GSG1L: variants seen among roughly 807,000 people sequenced by gnomAD.
GSG1L encodes the protein germ cell-specific gene 1-like protein.
A neutral mutation model predicts 42.1 loss-of-function variants in GSG1L; 24 were observed. The observed-to-expected ratio is 0.57, with a 90% CI of 0.41 to 0.80. GSG1L has a LOEUF of 0.80. GSG1L is among the 30% of genes least tolerant of loss of function. The pLI, the probability that GSG1L is intolerant of heterozygous loss-of-function variation, is 0.00. For synonymous variants in GSG1L, 215 were observed against 203.5 expected, an observed-to-expected ratio of 1.06 and a Z score of -0.48; for missense variants, 445 against 472.2, an observed-to-expected ratio of 0.94 and a Z score of 0.53.
intron 6 of GSG1L, among the ~76,000 whole-genome samples, chr16:27,798,171 C>G (rs1265720460): frequency 1.3e-5 from 2 of 152,104 alleles, no homozygotes; most frequent in Admixed American, 1.3e-4. Context: ...ACCCCCTGAA[C>G]CTATAACAAT....
intron 2 of GSG1L, among the ~76,000 whole-genome samples, chr16:27,919,356 C>G (rs1011986120): frequency 6.6e-5 from 10 of 152,202 alleles, no homozygotes; most frequent in African/African-American, 2.4e-4. Flanking sequence ...CTACCTTCCT[C>G]TCTGACTCCA....
In GSG1L at chr16:27,812,833, G is replaced by A. The variant is rs991315578; in HGVS notation, c.831-5279C>T. Among the ~76,000 whole-genome samples, 14 of 152,146 alleles carry A rather than the reference G, an allele frequency of 9.2e-5. 1 individual carries two copies. The highest frequency in any genetic ancestry group is 2.9e-4 in the African/African-American group (12 of 41,510). ...AGACAGAGTCTTACTCTCTCACCCA[G>A]GCTGGAGTGAAGTGGTGCGATCTCA... On this transcript the variant is annotated intron_variant, in intron 5 of 6. Transcript: ENST00000447459.
At chr16:27,891,730 C>A (rs547156635) in intron 2 of GSG1L, among the ~76,000 whole-genome samples, 1 of 151,998 alleles carries the variant, frequency 6.6e-6, no homozygotes, top group Admixed American at 6.6e-5. Flanking sequence ...GCCTCAGCCT[C>A]CCAAAGCACT....
intron 2 of GSG1L, among the ~76,000 whole-genome samples, chr16:27,905,325 T>C (rs1435529266): frequency 6.6e-6 from 1 of 151,214 alleles, no homozygotes; most frequent in Non-Finnish European, 1.5e-5. Context: ...GAATCTTTTT[T>C]TTTTTTTTTT....
chr16:28,055,667 G>A lies in GSG1L; in HGVS notation c.349+7409C>T, dbSNP rs148966269. ...ATATTTTTAGTAGAGATGGGATTTC[G>A]CCATGTTGGCCAGGCTGGTCTTGAA... On this transcript the variant is annotated intron_variant, in intron 1 of 6. Coordinates refer to ENST00000447459, the MANE Select transcript of GSG1L (RefSeq NM_001109763.2). Among the ~76,000 whole-genome samples, 130 of 151,406 alleles carry A rather than the reference G, an allele frequency of 8.6e-4. No individual in the cohort carries two copies. In the East Asian group the frequency reaches 0.013, roughly 16 times the overall value.
chr16:27,963,347 G>A, intron 1 of GSG1L, 144 bp from the exon 2 acceptor site: 1 of 722,362 alleles, frequency 1.4e-6, no homozygotes, highest in Non-Finnish European at 2.5e-6. Flanking sequence ...CTGGTTCCTA[G>A]AAGCCCAACA....
chr16:28,047,298 G>A (rs555121571), intron 1 of GSG1L, among the ~76,000 whole-genome samples: 1 of 152,112 alleles, frequency 6.6e-6, no homozygotes, highest in Non-Finnish European at 1.5e-5. Flanking sequence ...TAACAAAAAT[G>A]GAAGTCCAAG....
intron 2 of GSG1L, among the ~76,000 whole-genome samples, chr16:27,929,337 A>G (rs1218700190): frequency 6.6e-6 from 1 of 152,178 alleles, no homozygotes; most frequent in African/African-American, 2.4e-5. Flanking sequence ...GGATGGTCAC[A>G]CAACCCAGGC....
chr16:27,882,386 C>T (rs914636723), intron 3 of GSG1L, among the ~76,000 whole-genome samples: 13 of 152,028 alleles, frequency 8.6e-5, no homozygotes, highest in African/African-American at 2.9e-4. Flanking sequence ...AATGCAAACC[C>T]GACCGTGTTG....
At chr16:27,806,902 T>C (rs2082970183) in intron 6 of GSG1L, among the ~76,000 whole-genome samples, 1 of 152,160 alleles carries the variant, frequency 6.6e-6, no homozygotes, top group African/African-American at 2.4e-5. Context: ...AAGCCCTTAG[T>C]ACAGAGTGGG....
At chr16:27,931,167 G>C (rs1022419445) in intron 2 of GSG1L, among the ~76,000 whole-genome samples, 1 of 152,090 alleles carries the variant, frequency 6.6e-6, no homozygotes. Context: ...TTCTTCACTC[G>C]GGCTCTTCGT....
At position 28,058,844 on chromosome 16, in the gene GSG1L, C is replaced by G. The variant is rs2086308757; in HGVS notation, c.349+4232G>C. On this transcript the variant is annotated intron_variant, in intron 1 of 6. Transcript: ENST00000447459. ...GGGACTGGGCAGAAGAGCTGGGGTT[C>G]TCTGTTCAAAATAAAGGAAGACAAG... Among the ~76,000 whole-genome samples the G allele has an allele frequency of 2.0e-5, 3 of 152,288 alleles. No individual in the cohort carries two copies. The South Asian group carries it at 6.2e-4, about 32-fold the overall frequency.
intron 1 of GSG1L, among the ~76,000 whole-genome samples, chr16:27,978,315 G>A (rs1430203185): frequency 6.6e-6 from 1 of 152,316 alleles, no homozygotes; most frequent in East Asian, 1.9e-4. Flanking sequence ...GCCATGGGGT[G>A]CACCAGGGTC....
rs556972568 is a variant in GSG1L at position 27,890,967 on chromosome 16, G to A, written c.398-6329C>T. Among the ~76,000 whole-genome samples the A allele has an allele frequency of 2.6e-5, 4 of 152,156 alleles. No homozygotes were observed. In the South Asian group the frequency reaches 8.3e-4, roughly 32 times the overall value. On this transcript the variant is annotated intron_variant, in intron 2 of 6. Transcript: ENST00000447459. The stretch of plus-strand genomic sequence containing the variant: ...GGTGCGGTGCTCCCAGCCTGCCCAC[G>A]GCCCTTGGGGGCACATTTCCACCTG...
intron 4 of GSG1L, among the ~76,000 whole-genome samples, chr16:27,833,394 T>C (rs1041035818): frequency 2.6e-5 from 4 of 152,320 alleles, no homozygotes; most frequent in Admixed American, 1.3e-4. Context: ...TGGAGTATTG[T>C]AGCTATACAA....
intron 1 of GSG1L, among the ~76,000 whole-genome samples, chr16:28,047,041 C>G (rs2086169593): frequency 6.6e-6 from 1 of 152,162 alleles, no homozygotes. Context: ...ATCATGGGAC[C>G]CAGCACGTGG....
At chr16:27,875,232 A>T (rs562296904) in intron 3 of GSG1L, among the ~76,000 whole-genome samples, 52 of 152,280 alleles carry the variant, frequency 3.4e-4, no homozygotes, top group African/African-American at 1.2e-3. Flanking sequence ...CTAATGGTGG[A>T]TGGAAGTTGG....
intron 1 of GSG1L, among the ~76,000 whole-genome samples, chr16:28,037,818 A>G (rs1301475562): frequency 6.6e-6 from 1 of 152,178 alleles, no homozygotes. Context: ...CCTGAGTATC[A>G]CGAGGTACAT....
chr16:27,833,539 G>A (rs1001574975), intron 4 of GSG1L, among the ~76,000 whole-genome samples: 1 of 151,974 alleles, frequency 6.6e-6, no homozygotes, highest in African/African-American at 2.4e-5. Flanking sequence ...GAAATTTGAT[G>A]TCTTCTCTAT....
Sources: gnomAD v4.1 joint callset for allele counts (sites outside exome capture counted in the v4.1 genomes callset) on GRCh38, gnomAD v4.1.1 for gene constraint, MANE v1.5 for transcripts, NCBI Gene and HGNC (gene_info 2026-07-23, HGNC 2026-07-21) for gene names.